The following GLI2 variants were observed in gnomAD, a reference collection of about 807,000 sequenced individuals.
GLI2 encodes GLI family zinc finger 2, also known as transcription activator GLI2.
In GLI2, 22 loss-of-function variants were observed where a neutral mutation model predicts 78.9. That is an observed-to-expected ratio of 0.28 (90% CI 0.20 to 0.40). GLI2 has a LOEUF of 0.40. Among genes scored for constraint, GLI2 ranks in the 10% least tolerant of loss-of-function variants. The pLI, the probability that GLI2 is intolerant of heterozygous loss-of-function variation, is 1.00. For missense variants in GLI2, 2,097 were observed against 2,213.2 expected (o/e 0.95, Z 1.05); for synonymous variants, 974 against 963.7 (o/e 1.01, Z -0.20).
At position 120,888,703 on chromosome 2, in the gene GLI2, G is replaced by A. The variant is rs1416602547; in HGVS notation, c.149-38658G>A. Among the ~76,000 whole-genome samples the A allele has an allele frequency of 2.6e-5, 4 of 152,318 alleles. No individual in the cohort carries two copies. In the East Asian group the frequency reaches 5.8e-4, roughly 22 times the overall value. ...CTTTTCTTTCTTCGTTCAGAAACGTGTGAGGAAAGCTGACTAGCATCGACA... is the reference window on the plus strand; with the variant it reads ...CTTTTCTTTCTTCGTTCAGAAACGTATGAGGAAAGCTGACTAGCATCGACA... On this transcript the variant is annotated intron_variant, in intron 2 of 13. Transcript: ENST00000361492.
At position 120,984,594 on chromosome 2, in the gene GLI2, G is replaced by T; in HGVS notation, c.1756G>T (p.Val586Leu). Residue 586 changes from valine to leucine, a missense_variant, in exon 12 of 14, where the codon GTG (valine) becomes TTG (leucine). Physicochemically the swap from Val to Leu is conservative, Grantham distance 32. Transcript: ENST00000361492. ...AHVTKKQRND[V>L]HLRTPLLKEN... ...CGTCACCAAGAAGCAGCGCAATGAC[G>T]TGCACCTCCGCACACCGCTGCTCAA... is the stretch of plus-strand genomic sequence containing the variant. 3 of 1,614,198 alleles carry T rather than the reference G, an allele frequency of 1.9e-6. No homozygotes were observed. The highest frequency in any genetic ancestry group is 2.5e-6 in the Non-Finnish European group (3 of 1,180,028).
intron 2 of GLI2, among the ~76,000 whole-genome samples, chr2:120,924,542 TAC>T (rs56852363): frequency 1.2e-3 from 177 of 149,638 alleles, no homozygotes; most frequent in Middle Eastern, 3.4e-3. Flanking sequence ...CATTTAGAAA[TAC>T]ACACACACAC....
At chr2:120,905,957 G>A (rs1251204701) in intron 2 of GLI2, among the ~76,000 whole-genome samples, 3 of 149,948 alleles carry the variant, frequency 2.0e-5, no homozygotes, top group African/African-American at 7.5e-5. Context: ...GTTGGGCTCC[G>A]GTTACCTGCG....
intron 2 of GLI2, among the ~76,000 whole-genome samples, chr2:120,887,203 A>AC (rs1677454315): frequency 6.6e-6 from 1 of 151,680 alleles, no homozygotes; most frequent in Non-Finnish European, 1.5e-5. Context: ...GCCACAGAGC[A>AC]CCCCCCGCCC....
chr2:120,741,914 TC>T (rs1210819040), intron 1 of GLI2, among the ~76,000 whole-genome samples: 1 of 152,056 alleles, frequency 6.6e-6, no homozygotes, highest in African/African-American at 2.4e-5. Context: ...ACGGGCCAGG[TC>T]CCCACAGCCG....
chr2:120,883,122 G>C (rs941005757), intron 2 of GLI2, among the ~76,000 whole-genome samples: 1 of 152,172 alleles, frequency 6.6e-6, no homozygotes, highest in Non-Finnish European at 1.5e-5. Flanking sequence ...GAAGTAATAG[G>C]TTCCTTCCGT....
chr2:120,817,090 A>C (rs1390634927), intron 2 of GLI2, among the ~76,000 whole-genome samples: 2 of 152,244 alleles, frequency 1.3e-5, no homozygotes, highest in Non-Finnish European at 2.9e-5. Context: ...ATACAGAGAC[A>C]ATGAGCGAGG....
chr2:120,904,016 A>G (rs560249691), intron 2 of GLI2, among the ~76,000 whole-genome samples: 1 of 152,222 alleles, frequency 6.6e-6, no homozygotes, highest in African/African-American at 2.4e-5. Context: ...TATAACAAGC[A>G]TGGAGTGTGA....
intron 3 of GLI2, among the ~76,000 whole-genome samples, chr2:120,932,236 G>A (rs1328578153): frequency 3.3e-5 from 5 of 152,166 alleles, no homozygotes; most frequent in Admixed American, 1.3e-4. Flanking sequence ...AATGAGGTAC[G>A]GTGTCATCTC....
intron 12 of GLI2, among the ~76,000 whole-genome samples, chr2:120,985,803 A>G (rs1682945071): frequency 6.6e-6 from 1 of 152,106 alleles, no homozygotes; most frequent in African/African-American, 2.4e-5. Context: ...GGCCCTTTAC[A>G]CAAGGGCTGC....
intron 2 of GLI2, among the ~76,000 whole-genome samples, chr2:120,883,018 A>T (rs778230203): frequency 2.0e-5 from 3 of 151,866 alleles, no homozygotes; most frequent in Non-Finnish European, 4.4e-5. Flanking sequence ...CCCCTGGCAC[A>T]CTCTATTATG....
chr2:120,811,368 T>C (rs1198791226), intron 2 of GLI2, among the ~76,000 whole-genome samples: 1 of 152,198 alleles, frequency 6.6e-6, no homozygotes, highest in Non-Finnish European at 1.5e-5. Context: ...CCCCCTCCCC[T>C]ACTTGTCCTT....
chr2:120,862,955 T>G (rs546577830), intron 2 of GLI2, among the ~76,000 whole-genome samples: 1 of 152,306 alleles, frequency 6.6e-6, no homozygotes, highest in South Asian at 2.1e-4. Flanking sequence ...CCAGAGGCAG[T>G]GGAGCAGCTG....
At chr2:120,864,511 G>A (rs770670462) in intron 2 of GLI2, among the ~76,000 whole-genome samples, 45 of 151,856 alleles carry the variant, frequency 3.0e-4, no homozygotes, top group Non-Finnish European at 4.4e-4. Context: ...TCTGTCTGTC[G>A]CCCAGGCTGG....
At chr2:120,927,024 G>A (rs1026553293) in intron 2 of GLI2, among the ~76,000 whole-genome samples, 4 of 152,226 alleles carry the variant, frequency 2.6e-5, no homozygotes, top group Non-Finnish European at 4.4e-5. Context: ...AGAAGCCGGC[G>A]GAGTTGGAGC....
intron 8 of GLI2, among the ~76,000 whole-genome samples, chr2:120,974,008 G>A (rs1376638047): frequency 6.6e-6 from 1 of 152,146 alleles, no homozygotes; most frequent in East Asian, 1.9e-4. Context: ...ATGGGGCGAG[G>A]TCCTTCATCC....
At chr2:120,806,005 GT>G (rs1388684894) in intron 2 of GLI2, among the ~76,000 whole-genome samples, 1 of 152,198 alleles carries the variant, frequency 6.6e-6, no homozygotes, top group Admixed American at 6.5e-5. Context: ...AGCTAATGCT[GT>G]GTTTTAATGT....
chr2:120,777,252 G>C (rs958751962), intron 1 of GLI2, among the ~76,000 whole-genome samples: 1 of 152,108 alleles, frequency 6.6e-6, no homozygotes. Context: ...GTGTCAGTTC[G>C]AGTGTGTTTA....
At chr2:120,936,122 C>G (rs1162602029) in intron 3 of GLI2, among the ~76,000 whole-genome samples, 6 of 152,128 alleles carry the variant, frequency 3.9e-5, no homozygotes, top group Non-Finnish European at 1.5e-5. Context: ...GTAGACAGAA[C>G]AGGGTTGAGG....
Sources: gnomAD v4.1 joint callset for allele counts (sites outside exome capture counted in the v4.1 genomes callset) on GRCh38, gnomAD v4.1.1 for gene constraint, MANE v1.5 for transcripts, NCBI Gene and HGNC (gene_info 2026-07-23, HGNC 2026-07-21) for gene names.